The following USP24 variants were observed in gnomAD, a reference collection of about 807,000 sequenced individuals.
USP24 encodes ubiquitin carboxyl-terminal hydrolase 24.
In USP24, 97 loss-of-function variants were observed where a neutral mutation model predicts 361.6. The ratio of observed to expected loss-of-function variants is 0.27; its 90% CI spans 0.23 to 0.32. The LOEUF is 0.32. USP24 is among the 10% of genes least tolerant of loss of function. The pLI is 1.00. For synonymous variants in USP24, 1,098 were observed against 1,124.6 expected (o/e 0.98, Z 0.47); for missense variants, 2,353 against 3,165.6 (o/e 0.74, Z 6.16).
At chr1:55,210,089 T>C (rs1347125116) in intron 1 of USP24, among the ~76,000 whole-genome samples, 1 of 152,196 alleles carries the variant, frequency 6.6e-6, no homozygotes, top group Non-Finnish European at 1.5e-5. Flanking sequence ...CAACCTACTA[T>C]GATTTCACTA....
rs572250426 is a variant in USP24 at position 55,158,143 on chromosome 1, G to A, written c.1227+735C>T. Among the ~76,000 whole-genome samples, 4 of 152,324 alleles carry A rather than the reference G, an allele frequency of 2.6e-5. No individual in the cohort carries two copies. In the South Asian group the frequency reaches 8.3e-4, roughly 32 times the overall value. On this transcript the variant is annotated intron_variant, in intron 10 of 67. Transcript: ENST00000294383. The stretch of plus-strand genomic sequence containing the variant: ...CAAGGCCAACATACTAAGAAAAGCA[G>A]GGACAAGACTTGGACAGAGTCCTGA...
chr1:55,199,166 G>A (rs1221127670), intron 1 of USP24, among the ~76,000 whole-genome samples: 18 of 152,118 alleles, frequency 1.2e-4, no homozygotes, highest in Admixed American at 1.2e-3. Flanking sequence ...GCGGGCACCT[G>A]TAATCCCAGC....
rs139715213 is a variant in USP24 at position 55,113,592 on chromosome 1, C to T, written c.4509-3346G>A. On this transcript the variant is annotated intron_variant, in intron 38 of 67. Transcript: ENST00000294383. Reference sequence around the variant, plus strand: ...GAGACACAACAAAAAAAGAAAATTTCGGGCCAATATCCCTGATGACATCGA... The same window carrying T: ...GAGACACAACAAAAAAAGAAAATTTTGGGCCAATATCCCTGATGACATCGA... Among the ~76,000 whole-genome samples the T allele has an allele frequency of 1.8e-4, 27 of 152,244 alleles. No individual in the cohort carries two copies. The East Asian group carries it at 4.6e-3, about 26-fold the overall frequency.
chr1:55,073,981 T>G, intron 63 of USP24, 75 bp from the exon 64 acceptor site: 52 of 1,243,758 alleles, frequency 4.2e-5, no homozygotes, highest in Non-Finnish European at 5.3e-5. Flanking sequence ...ACAAGCTCTC[T>G]TGTTCTAAAA....
chr1:55,083,316 G>T lies in USP24; in HGVS notation c.6931C>A (p.His2311Asn). The change falls in exon 58 of 68, where the codon CAC (histidine) becomes AAC (asparagine). Residue 2311 changes from histidine (H) to asparagine (N), a missense_variant. His to Asn is a moderately conservative substitution (Grantham distance 68). This residue lies in a region of USP24 where 598 missense variants were observed against 761.9 expected (regional missense o/e 0.78). Transcript: ENST00000294383. ...DLLLRHSALR[H>N]MISFLLGASR... ...GCCCCTAGGAGGAAGCTGATCATGT[G>T]CCGCAGAGCTGAATGCCTCAGAAGA... 1 of 1,613,762 alleles carries T rather than the reference G, an allele frequency of 6.2e-7. No individual in the cohort carries two copies. The highest frequency in any genetic ancestry group is 8.5e-7 in the Non-Finnish European group (1 of 1,179,734).
At position 55,123,553 on chromosome 1, in the gene USP24, C is replaced by T. The variant is rs373311667; in HGVS notation, c.4170G>A (p.Ala1390=). The change falls in exon 36 of 68, where the codon GCG becomes GCA. Residue 1390 remains alanine (A), a synonymous_variant. Transcript: ENST00000294383. The part of the protein sequence containing the change: ...GSEGEPVALH[A]GICVRQQSVS... Reference sequence around the variant, plus strand: ...CAGACTGTTGTCGAACACAGATTCCCGCATGCAGGGCTACTGGTTCTCCTT... The same window carrying T: ...CAGACTGTTGTCGAACACAGATTCCTGCATGCAGGGCTACTGGTTCTCCTT... 1.2e-4 allele frequency: 192 copies of T among 1,600,838 alleles called. 1 individual carries two copies. Among genetic ancestry groups the T allele is most frequent in the South Asian group, 1.8e-4 (16 of 88,154 alleles).
In USP24 at chr1:55,176,435, C is replaced by T. The variant is rs199628115; in HGVS notation, c.499G>A (p.Glu167Lys). 7.6e-6 allele frequency: 12 copies of T among 1,568,652 alleles called. No individual in the cohort carries two copies. Among genetic ancestry groups the T allele is most frequent in the East Asian group, 4.6e-5 (2 of 43,034 alleles). Residue 167 changes from glutamate to lysine, a missense_variant, in exon 3 of 68, where the codon GAG becomes AAG. Physicochemically the swap from Glu to Lys is moderately conservative, Grantham distance 56 (BLOSUM62 1). Around this residue, in one of 8 missense-constraint regions of USP24, gnomAD observed 253 missense variants for 255.3 expected, o/e 0.99. Transcript: ENST00000294383. ...STYLARLGLS[E>K]SDENCRRFMD... is the part of the protein sequence containing the mutation. The stretch of plus-strand genomic sequence containing the variant: ...AACCTTCTACAATTCTCATCAGACT[C>T]GGAAAGACCTTAGTAAAATGCATGA...
chr1:55,110,148 C>T (rs1244277076), intron 39 of USP24, 37 bp downstream of exon 39: 4 of 1,496,578 alleles, frequency 2.7e-6, no homozygotes, highest in African/African-American at 2.8e-5. Flanking sequence ...CTACTCTTCC[C>T]CAGCCCCTCT....
rs1247086445 is a variant in USP24 at position 55,156,980 on chromosome 1, A to T, written c.1414T>A (p.Leu472Ile). 4.3e-6 allele frequency: 7 copies of T among 1,613,112 alleles called. No homozygotes were observed. The highest frequency in any genetic ancestry group is 5.9e-6 in the Non-Finnish European group (7 of 1,179,330). ...IIELLGSKLS[L>I]DELTKIWKIQ... ...TTCCAAATTTTAGTGAGTTCATCTAACGACAATTTACTACCCAAGAGTTCA... is the reference window on the plus strand; with the variant it reads ...TTCCAAATTTTAGTGAGTTCATCTATCGACAATTTACTACCCAAGAGTTCA... The change falls in exon 12 of 68, where the codon TTA (leucine) becomes ATA (isoleucine). Residue 472 changes from leucine to isoleucine, a missense_variant. By Grantham distance (5) the Leu-to-Ile change is conservative. This residue lies in a region of USP24 where 386 missense variants were observed against 560.5 expected (regional missense o/e 0.69). Transcript: ENST00000294383.
chr1:55,113,261 C>A (rs1329195489), intron 38 of USP24, among the ~76,000 whole-genome samples: 1 of 152,156 alleles, frequency 6.6e-6, no homozygotes, highest in Non-Finnish European at 1.5e-5. Flanking sequence ...CACCTCTACA[C>A]AAACAAACTA....
At chr1:55,076,993 TAC>T (rs1200470648) in intron 62 of USP24, among the ~76,000 whole-genome samples, 2 of 152,168 alleles carry the variant, frequency 1.3e-5, no homozygotes, top group Non-Finnish European at 2.9e-5. Context: ...TCCCCTGCAC[TAC>T]AGTTGTTTGT....
chr1:55,101,968 A>C (rs983359248), intron 42 of USP24, among the ~76,000 whole-genome samples: 1 of 150,310 alleles, frequency 6.7e-6, no homozygotes, highest in Non-Finnish European at 1.5e-5. Flanking sequence ...TAATTACTTG[A>C]TTATCATTCA....
chr1:55,175,344 A>G (rs1157502280), intron 3 of USP24, among the ~76,000 whole-genome samples: 3 of 148,334 alleles, frequency 2.0e-5, no homozygotes, highest in Non-Finnish European at 4.4e-5. Context: ...CTCCTGCCTC[A>G]GCCTCCTGCG....
At chr1:55,072,712 T>C (rs654674) in intron 65 of USP24, 74 bp downstream of exon 65, 1,211,558 of 1,416,602 alleles carry the variant, frequency 0.86, 518,757 homozygotes, top group East Asian at 0.99. Context: ...TATTCAGTTC[T>C]AGAGATTTTT....
chr1:55,089,251 A>T (rs1210935428), intron 55 of USP24, among the ~76,000 whole-genome samples: 8 of 152,242 alleles, frequency 5.3e-5, no homozygotes, highest in Middle Eastern at 3.4e-3. Context: ...GAATCCAAAC[A>T]CAGTTAGACA....
intron 42 of USP24, among the ~76,000 whole-genome samples, chr1:55,102,251 C>T (rs1645653855): frequency 6.6e-6 from 1 of 152,130 alleles, no homozygotes; most frequent in Admixed American, 6.6e-5. Flanking sequence ...GAGAAGGTAA[C>T]ATTCTTCTAT....
intron 1 of USP24, among the ~76,000 whole-genome samples, chr1:55,197,449 G>A (rs896853894): frequency 6.6e-6 from 1 of 152,162 alleles, no homozygotes; most frequent in Non-Finnish European, 1.5e-5. Context: ...CAAATTCTTG[G>A]TGAATGAATG....
At chr1:55,145,388 T>C (rs973977089) in intron 20 of USP24, among the ~76,000 whole-genome samples, 5 of 152,192 alleles carry the variant, frequency 3.3e-5, no homozygotes, top group African/African-American at 1.2e-4. Flanking sequence ...CATTATGCCT[T>C]AGTACAATGA....
chr1:55,151,162 A>G (rs964935936), intron 16 of USP24, among the ~76,000 whole-genome samples: 2 of 139,638 alleles, frequency 1.4e-5, no homozygotes, highest in Admixed American at 8.0e-5. Context: ...AAACTTCTCT[A>G]TAACAATGCT....
Sources: allele counts gnomAD v4.1 joint callset (sites outside exome capture counted in the v4.1 genomes callset), GRCh38; gene constraint gnomAD v4.1.1; regional missense constraint gnomAD v4.1.1; transcripts MANE v1.5; gene names NCBI Gene and HGNC (gene_info 2026-07-23, HGNC 2026-07-21).